KAZN: variants seen among roughly 807,000 people sequenced by gnomAD.
KAZN encodes the protein kazrin, periplakin interacting protein.
A neutral mutation model predicts 87.4 loss-of-function variants in KAZN; 40 were observed. The observed-to-expected ratio is 0.46, with a 90% CI of 0.36 to 0.60. The LOEUF (loss-of-function observed/expected upper bound fraction) is 0.60. Among genes scored for constraint, KAZN ranks in the 20% least tolerant of loss-of-function variants. The pLI, the probability that KAZN is intolerant of heterozygous loss-of-function variation, is 0.00. For missense variants in KAZN, 898 were observed against 1,073.9 expected (o/e 0.84, Z 2.29); for synonymous variants, 466 against 458.3 (o/e 1.02, Z -0.22).
At chr1:14,984,785 T>TG (rs1286684761) in intron 2 of KAZN, among the ~76,000 whole-genome samples, 6 of 152,280 alleles carry the variant, frequency 3.9e-5, no homozygotes, top group Admixed American at 3.9e-4. Context: ...ACCCAGGCAC[T>TG]GGCTGAAAGG....
intron 1 of KAZN, among the ~76,000 whole-genome samples, chr1:14,116,681 C>T (rs1557488299): frequency 6.6e-6 from 1 of 152,150 alleles, no homozygotes; most frequent in African/African-American, 2.4e-5. Flanking sequence ...AGAAGAGGGC[C>T]ACTGTCCTCC....
chr1:14,365,776 A>G (rs820671), intron 2 of KAZN, among the ~76,000 whole-genome samples: 133,526 of 152,234 alleles, frequency 0.88, 59,334 homozygotes, highest in Non-Finnish European at 0.93. Flanking sequence ...TCCGGGTTAA[A>G]AAATAATACT....
Position 14,119,941 on chromosome 1 carries a change from G to T in KAZN, c.92-60494G>T, listed in dbSNP as rs538992865. ...TGTACGATCTATTTGGTGTGAAAAAGTAGGATGCCCATTTCAGATATGAGG... is the reference window on the plus strand; with the variant it reads ...TGTACGATCTATTTGGTGTGAAAAATTAGGATGCCCATTTCAGATATGAGG... On this transcript the variant is annotated intron_variant, in intron 1 of 16. Coordinates refer to the KAZN transcript ENST00000636203. 6.6e-3 allele frequency among the ~76,000 whole-genome samples: 1,001 copies of T among 152,346 alleles called. 6 individuals are homozygous for T. The highest frequency in any genetic ancestry group is 0.011 in the Admixed American group (167 of 15,308).
chr1:14,617,689 C>G (rs1678362291), intron 1 of KAZN, among the ~76,000 whole-genome samples: 1 of 152,206 alleles, frequency 6.6e-6, no homozygotes, highest in African/African-American at 2.4e-5. Flanking sequence ...ACTGTGTATT[C>G]AAGCTGTCCA....
chr1:14,629,720 G>A (rs1052394672), intron 1 of KAZN, among the ~76,000 whole-genome samples: 3 of 152,150 alleles, frequency 2.0e-5, no homozygotes, highest in African/African-American at 7.2e-5. Context: ...GGGATCAGTT[G>A]GGTCGCATGC....
chr1:14,289,055 T>C (rs1230129941), intron 2 of KAZN, among the ~76,000 whole-genome samples: 1 of 152,226 alleles, frequency 6.6e-6, no homozygotes, highest in African/African-American at 2.4e-5. Flanking sequence ...GACATTTTGT[T>C]GTGATTTCTG....
intron 1 of KAZN, among the ~76,000 whole-genome samples, chr1:14,935,256 T>C (rs922414944): frequency 1.1e-4 from 17 of 152,234 alleles, no homozygotes; most frequent in African/African-American, 3.9e-4. Flanking sequence ...TTCTTTCTTT[T>C]TGAGACAGAG....
chr1:14,373,102 T>C (rs933411775), intron 2 of KAZN, among the ~76,000 whole-genome samples: 3 of 151,746 alleles, frequency 2.0e-5, no homozygotes, highest in Non-Finnish European at 4.4e-5. Flanking sequence ...AAGCTGGAGG[T>C]AGGTAGTACT....
At chr1:14,612,802 G>T (rs1677923245) in intron 1 of KAZN, among the ~76,000 whole-genome samples, 1 of 152,208 alleles carries the variant, frequency 6.6e-6, no homozygotes, top group Non-Finnish European at 1.5e-5. Flanking sequence ...TTTTGGGGAT[G>T]AAAGCATTCC....
At chr1:14,478,321 G>A (rs1417479278) in intron 2 of KAZN, among the ~76,000 whole-genome samples, 2 of 151,206 alleles carry the variant, frequency 1.3e-5, no homozygotes, top group African/African-American at 4.9e-5. Context: ...ATGGATAGAA[G>A]GAAGGAAGGA....
At chr1:14,813,393 G>C (rs1393078360) in intron 1 of KAZN, among the ~76,000 whole-genome samples, 1 of 152,152 alleles carries the variant, frequency 6.6e-6, no homozygotes, top group African/African-American at 2.4e-5. Flanking sequence ...AACCCAAGCT[G>C]CCCATGGAGA....
chr1:14,005,726 C>A (rs1285432627), intron 1 of KAZN, among the ~76,000 whole-genome samples: 1 of 152,150 alleles, frequency 6.6e-6, no homozygotes, highest in Admixed American at 6.5e-5. Flanking sequence ...AGAAGGTAAG[C>A]AGATTGCAGA....
chr1:14,243,020 A>G (rs192928517), intron 2 of KAZN, among the ~76,000 whole-genome samples: 1 of 152,350 alleles, frequency 6.6e-6, no homozygotes, highest in African/African-American at 2.4e-5. Context: ...GCATGTGACC[A>G]CGAACCCCAA....
chr1:14,583,925 G>T (rs138946265), intron 2 of KAZN, among the ~76,000 whole-genome samples: 69 of 152,292 alleles, frequency 4.5e-4, no homozygotes, highest in Admixed American at 9.1e-4. Context: ...GTCAAGGCTG[G>T]ATGGAAGCCC....
intron 2 of KAZN, among the ~76,000 whole-genome samples, chr1:14,248,084 G>T (rs888657928): frequency 7.2e-5 from 11 of 152,222 alleles, no homozygotes; most frequent in Non-Finnish European, 1.3e-4. Flanking sequence ...GGTTTGGAAA[G>T]CCAGGGATTT....
intron 1 of KAZN, among the ~76,000 whole-genome samples, chr1:14,159,267 G>C (rs1645660665): frequency 6.6e-6 from 1 of 152,204 alleles, no homozygotes; most frequent in African/African-American, 2.4e-5. Context: ...AAAAACCTTA[G>C]AAGTCTATCT....
At chr1:15,103,268 GGGGGAAAAA>G in intron 11 of KAZN, 82 bp from the exon 12 acceptor site, 1 of 896,418 alleles carries the variant, frequency 1.1e-6, no homozygotes, top group Non-Finnish European at 1.8e-6. Flanking sequence ...CTCTGTCTCG[GGGGGAAAAA>G]GAGATGCGGG....
At chr1:14,804,533 G>A (rs6698574) in intron 1 of KAZN, among the ~76,000 whole-genome samples, 19,304 of 152,150 alleles carry the variant, frequency 0.13, 1,376 homozygotes, top group Non-Finnish European at 0.15. Context: ...CACAAAACCC[G>A]GGTGCTACTA....
intron 1 of KAZN, among the ~76,000 whole-genome samples, chr1:14,750,713 C>G (rs1475358729): frequency 1.3e-5 from 2 of 152,078 alleles, no homozygotes; most frequent in Non-Finnish European, 2.9e-5. Context: ...TGCATGGAAG[C>G]AAACCTCTAA....
Sources: gnomAD v4.1 joint callset for allele counts (sites outside exome capture counted in the v4.1 genomes callset) on GRCh38, gnomAD v4.1.1 for gene constraint, MANE v1.5 for transcripts, NCBI Gene and HGNC (gene_info 2026-07-23, HGNC 2026-07-21) for gene names.